The following CCR9 variants were observed in gnomAD, a reference collection of about 807,000 sequenced individuals.
CCR9 encodes C-C chemokine receptor type 9.
Under a neutral mutation model 8.7 loss-of-function variants are expected in CCR9, and 4 were observed. That is an observed-to-expected ratio of 0.46 (90% CI 0.23 to 1.06). CCR9 has a LOEUF of 1.06. CCR9 is among the 50% of genes least tolerant of loss of function. The probability of loss-of-function intolerance (pLI) is 0.21; values close to 1 mark genes in which losing one functional copy is unlikely to be tolerated. For synonymous variants in CCR9, 159 were observed against 168.8 expected (o/e 0.94, Z 0.45); for missense variants, 394 against 453.6 (o/e 0.87, Z 1.19).
At chr3:45,889,075 T>A (rs1022060603) in intron 1 of CCR9, among the ~76,000 whole-genome samples, 1 of 152,226 alleles carries the variant, frequency 6.6e-6, no homozygotes, top group Admixed American at 6.5e-5. Flanking sequence ...AGCCTTGAAC[T>A]CCTGGGTTCA....
At chr3:45,893,769 A>T (rs1304568446) in intron 1 of CCR9, among the ~76,000 whole-genome samples, 1 of 152,220 alleles carries the variant, frequency 6.6e-6, no homozygotes, top group Non-Finnish European at 1.5e-5. Context: ...ACTAGTCTTT[A>T]TGGGGACATA....
chr3:45,897,677 C>T, intron 2 of CCR9: 3 of 1,397,522 alleles, frequency 2.1e-6, no homozygotes, highest in Non-Finnish European at 2.9e-6. Flanking sequence ...CCACCTGCCC[C>T]CTCTCATTTG....
rs1477150068 is a variant in CCR9, at chr3:45,900,458, G to A, written c.22-352G>A. Among the ~76,000 whole-genome samples the A allele has an allele frequency of 6.6e-6, 1 of 152,054 alleles. No homozygotes were observed. Among genetic ancestry groups the A allele is most frequent in the Non-Finnish European group, 1.5e-5 (1 of 68,008 alleles). On this transcript the variant is annotated intron_variant, in intron 2 of 2. Coordinates refer to ENST00000357632, the MANE Select transcript of CCR9 (RefSeq NM_031200.3). The surrounding 1 kb of genome is among the most constrained non-coding windows in gnomAD (Gnocchi z 4.7). ...AAAACTGCCCATCAGTAGTGTGGAG[G>A]CACTCTTACCCCATCAGAGCACTTG...
At chr3:45,886,202 C>A (rs544559350), upstream of CCR9, among the ~76,000 whole-genome samples, 4 of 152,120 alleles carry the variant, frequency 2.6e-5, no homozygotes, top group Admixed American at 2.6e-4. Context: ...GGTGACACCA[C>A]CTAAAGAAAT....
Position 45,901,157 on chromosome 3 carries a change from C to T in CCR9, c.369C>T (p.Asn123=), listed in dbSNP as rs1476133204. Residue 123 remains asparagine, a synonymous_variant, in exon 3 of 3, where the codon AAC becomes AAT. Transcript: ENST00000357632. This position sits in a 1 kb window ranked among gnomAD's most constrained non-coding sequence, Gnocchi z 4.3. The part of the protein sequence containing the change: ...KFQTFMCKVV[N]SMYKMNFYSC... ...AGACCTTCATGTGCAAGGTGGTCAA[C>T]AGCATGTACAAGATGAACTTCTACA... 1.9e-6 allele frequency: 3 copies of T among 1,614,092 alleles called. No individual in the cohort carries two copies. The highest frequency in any genetic ancestry group is 2.7e-5 in the African/African-American group (2 of 74,930).
chr3:45,898,579 T>G (rs1702444165), intron 2 of CCR9, among the ~76,000 whole-genome samples: 1 of 152,226 alleles, frequency 6.6e-6, no homozygotes, highest in African/African-American at 2.4e-5. Context: ...AATAGGATTT[T>G]CTCTTGCTCA....
chr3:45,890,289 TAA>T (rs1702118256), intron 1 of CCR9, among the ~76,000 whole-genome samples: 1 of 117,564 alleles, frequency 8.5e-6, no homozygotes, highest in African/African-American at 3.6e-5. Context: ...TATATTTATA[TAA>T]ATATATATAT....
chr3:45,894,463 G>T (rs529304966), intron 1 of CCR9, among the ~76,000 whole-genome samples: 3 of 152,124 alleles, frequency 2.0e-5, no homozygotes, highest in Non-Finnish European at 4.4e-5. Context: ...TGTTAGCTTC[G>T]GTGAGTCCCT....
intron 2 of CCR9, among the ~76,000 whole-genome samples, chr3:45,899,324 G>C (rs1702471054): frequency 1.3e-5 from 2 of 152,326 alleles, no homozygotes; most frequent in South Asian, 4.1e-4. Context: ...GGAAATGCTA[G>C]ACAGATCTAC....
At chr3:45,893,027 T>C (rs1461699709) in intron 1 of CCR9, among the ~76,000 whole-genome samples, 1 of 152,216 alleles carries the variant, frequency 6.6e-6, no homozygotes, top group Non-Finnish European at 1.5e-5. Context: ...ATGTAAGTTC[T>C]GACGTACATA....
At chr3:45,899,416 A>G (rs1231068627) in intron 2 of CCR9, among the ~76,000 whole-genome samples, 1 of 152,248 alleles carries the variant, frequency 6.6e-6, no homozygotes, top group African/African-American at 2.4e-5. Context: ...CTATTTAAAT[A>G]TAAACATTCA....
At chr3:45,886,288 T>C (rs1405590023), upstream of CCR9, among the ~76,000 whole-genome samples, 1 of 152,218 alleles carries the variant, frequency 6.6e-6, no homozygotes, top group Non-Finnish European at 1.5e-5. Flanking sequence ...CCCCATTCCC[T>C]GTAAGCAGCT....
chr3:45,890,250 G>A (rs1408780910), intron 1 of CCR9, among the ~76,000 whole-genome samples: 1 of 1,450 alleles, frequency 6.9e-4, no homozygotes, highest in Non-Finnish European at 1.6e-3. Flanking sequence ...TAAGCCCTGG[G>A]TATTAGAAAT....
intron 1 of CCR9, among the ~76,000 whole-genome samples, chr3:45,889,523 G>A (rs1442487306): frequency 6.6e-6 from 1 of 151,710 alleles, no homozygotes; most frequent in Non-Finnish European, 1.5e-5. Flanking sequence ...TTATTTTTAT[G>A]ACAGCTCTTA....
At position 45,900,983 on chromosome 3, in the gene CCR9, C is replaced by T. The variant is rs376980494; in HGVS notation, c.195C>T (p.Gly65=). ...TCGTGTTCATCGTGGGTGCCTTGGG[C>T]AACAGTCTTGTTATCCTTGTCTACT... is the stretch of plus-strand genomic sequence containing the variant. ...YWLVFIVGAL[G]NSLVILVYWY... is the part of the protein sequence containing the mutation. The change falls in exon 3 of 3, where the codon GGC becomes GGT. Residue 65 remains glycine, a synonymous_variant. Coordinates refer to ENST00000357632, the MANE Select transcript of CCR9 (RefSeq NM_031200.3). The surrounding 1 kb of genome is among the most constrained non-coding windows in gnomAD (Gnocchi z 4.7). 1 of 1,614,062 alleles carries T rather than the reference C, an allele frequency of 6.2e-7. No homozygotes were observed. The highest frequency in any genetic ancestry group is 8.5e-7 in the Non-Finnish European group (1 of 1,180,020).
chr3:45,888,408 C>A (rs1702048558), intron 1 of CCR9, among the ~76,000 whole-genome samples: 1 of 152,224 alleles, frequency 6.6e-6, no homozygotes, highest in Non-Finnish European at 1.5e-5. Context: ...ATAGCACTTT[C>A]CCTTTGTTGT....
intron 2 of CCR9, among the ~76,000 whole-genome samples, chr3:45,897,828 G>A (rs1054092090): frequency 8.5e-5 from 13 of 152,120 alleles, no homozygotes; most frequent in South Asian, 6.2e-4. Flanking sequence ...GCTACCTGGA[G>A]CTGCAGCAGG....
In CCR9 at chr3:45,893,068, C is replaced by G. The variant is rs555717361; in HGVS notation, c.-28-1838C>G. On this transcript the variant is annotated intron_variant, in intron 1 of 2. Coordinates refer to ENST00000357632, the MANE Select transcript of CCR9 (RefSeq NM_031200.3). ...TTGCGAAGCTCTCACACAACCCAGA[C>G]AGTGAACATATTTATCCCCCACTGA... is the stretch of plus-strand genomic sequence containing the variant. Among the ~76,000 whole-genome samples, 3 of 152,314 alleles carry G rather than the reference C, an allele frequency of 2.0e-5. No homozygotes were observed. The East Asian group carries it at 5.8e-4, about 29-fold the overall frequency.
chr3:45,900,409 A>G lies in CCR9; in HGVS notation c.22-401A>G, dbSNP rs1007965288. Among the ~76,000 whole-genome samples the G allele has an allele frequency of 2.0e-5, 3 of 152,128 alleles. No homozygotes were observed. The highest frequency in any genetic ancestry group is 7.2e-5 in the African/African-American group (3 of 41,404). ...AAACTGAATAGATAGGAGAAGTACG[A>G]TCACAGTCATATCACAGTTTGATAA... On this transcript the variant is annotated intron_variant, in intron 2 of 2. Transcript: ENST00000357632. This position sits in a 1 kb window ranked among gnomAD's most constrained non-coding sequence, Gnocchi z 4.7.
Sources: gnomAD v4.1 joint callset for allele counts (sites outside exome capture counted in the v4.1 genomes callset) on GRCh38, gnomAD v4.1.1 for gene constraint, Gnocchi (gnomAD v3.1) non-coding constraint, MANE v1.5 for transcripts, NCBI Gene and HGNC (gene_info 2026-07-23, HGNC 2026-07-21) for gene names.